Variants in HSDL1 observed in about 807,000 individuals in gnomAD.
HSDL1 encodes the protein hydroxysteroid dehydrogenase like 1.
HSDL1 carries 29 observed loss-of-function variants against 31.5 expected under a neutral mutation model. The ratio of observed to expected loss-of-function variants is 0.92; its 90% CI spans 0.69 to 1.26. HSDL1 has a LOEUF of 1.26. HSDL1 is among the 50% of genes most tolerant of loss of function. The probability of loss-of-function intolerance (pLI) is 0.00; values close to 1 mark genes in which losing one functional copy is unlikely to be tolerated. For missense variants in HSDL1, 503 were observed against 416.6 expected, an observed-to-expected ratio of 1.21 and a Z score of -1.81; for synonymous variants, 222 against 155.2, an observed-to-expected ratio of 1.43 and a Z score of -3.20.
At chr16:84,131,426 G>C in intron 2 of HSDL1, 99 bp from the exon 3 acceptor site, 1 of 809,082 alleles carries the variant, frequency 1.2e-6, no homozygotes, top group Non-Finnish European at 2.1e-6. Context: ...ATCAGATCTT[G>C]TCAATTGTAC....
At chr16:84,143,978 A>G (rs1023725223) in intron 1 of HSDL1, among the ~76,000 whole-genome samples, 1 of 151,856 alleles carries the variant, frequency 6.6e-6, no homozygotes, top group African/African-American at 2.4e-5. Flanking sequence ...CGCAGGCACC[A>G]TTGCACTACA....
chr16:84,131,044 C>G, intron 3 of HSDL1, 58 bp downstream of exon 3: 1 of 1,337,084 alleles, frequency 7.5e-7, no homozygotes, highest in East Asian at 2.3e-5. Context: ...TTCAATAGCT[C>G]CTTGAATAAT....
Position 84,145,154 on chromosome 16 carries a change from G to T in HSDL1, c.-143C>A. On this transcript the variant is annotated 5_prime_UTR_variant, in exon 1 of 6. Transcript: ENST00000219439. Reference sequence around the variant, plus strand: ...CGCCGCCCCCGTCTCGGCCGCCGGAGCTGCTGCCGCGCCGCGCCCTCACGT... The same window carrying T: ...CGCCGCCCCCGTCTCGGCCGCCGGATCTGCTGCCGCGCCGCGCCCTCACGT... The T allele has an allele frequency of 4.5e-6, 1 of 224,242 alleles. No individual in the cohort carries two copies. The highest frequency in any genetic ancestry group is 8.5e-6 in the Non-Finnish European group (1 of 117,390). 13.9% of individuals were successfully genotyped at this position (224,242 alleles called of 1,614,324 possible). A position where few individuals can be genotyped will look rare whatever the true frequency, so the allele number is the denominator to read the frequency against.
In HSDL1 at chr16:84,124,594, A is replaced by C; in HGVS notation, c.*36T>G. The C allele has an allele frequency of 7.7e-7, 1 of 1,300,552 alleles. No homozygotes were observed. Among genetic ancestry groups the C allele is most frequent in the East Asian group, 2.3e-5 (1 of 43,378 alleles). 80.6% of individuals were successfully genotyped at this position (1,300,552 alleles called of 1,614,324 possible). A position where few individuals can be genotyped will look rare whatever the true frequency, so the allele number is the denominator to read the frequency against. ...CAAATGTCAGAATATCGAGGTTCCC[A>C]GGAGTTGGCAAAACTTCTCAAGTGG... On this transcript the variant is annotated 3_prime_UTR_variant, in exon 6 of 6. Coordinates refer to ENST00000219439, the MANE Select transcript of HSDL1 (RefSeq NM_031463.5).
rs187864013 is a variant in HSDL1 at position 84,128,265 on chromosome 16, G to A, written c.894+1283C>T. 3.4e-3 allele frequency among the ~76,000 whole-genome samples: 508 copies of A among 151,496 alleles called. 2 individuals carry two copies. Among genetic ancestry groups the A allele is most frequent in the African/African-American group, 0.011 (467 of 41,390 alleles). On this transcript the variant is annotated intron_variant, in intron 5 of 5. Coordinates refer to ENST00000219439, the MANE Select transcript of HSDL1 (RefSeq NM_031463.5). ...GATCGCACCATTACACTCCAGCCTG[G>A]GCAACAAGAGCGGAATTCCATCTCA...
At chr16:84,144,732 T>C (rs2086823312) in intron 1 of HSDL1, among the ~76,000 whole-genome samples, 1 of 145,016 alleles carries the variant, frequency 6.9e-6, no homozygotes, top group Non-Finnish European at 1.5e-5. Context: ...GGGTTCGCGG[T>C]TTGGGGGGCA....
chr16:84,140,361 T>C (rs1363252123), intron 1 of HSDL1, among the ~76,000 whole-genome samples: 2 of 152,022 alleles, frequency 1.3e-5, no homozygotes, highest in Non-Finnish European at 2.9e-5. Context: ...GCCTCCTGGG[T>C]TCAAGCGTTT....
intron 1 of HSDL1, among the ~76,000 whole-genome samples, chr16:84,140,996 C>T (rs1301040131): frequency 6.6e-6 from 1 of 150,800 alleles, no homozygotes; most frequent in Non-Finnish European, 1.5e-5. Flanking sequence ...GAGGCTGAGG[C>T]AGGAGAATGG....
At chr16:84,136,221 C>T (rs1010925986) in intron 1 of HSDL1, among the ~76,000 whole-genome samples, 10 of 152,228 alleles carry the variant, frequency 6.6e-5, no homozygotes, top group Non-Finnish European at 1.2e-4. Context: ...GGGAGGAAGG[C>T]GTCCTACAGT....
At chr16:84,126,808 G>A (rs1370807519) in intron 5 of HSDL1, among the ~76,000 whole-genome samples, 1 of 152,026 alleles carries the variant, frequency 6.6e-6, no homozygotes, top group African/African-American at 2.4e-5. Flanking sequence ...AATATGCCAT[G>A]GACAAAACAG....
intron 3 of HSDL1, 64 bp downstream of exon 3, chr16:84,131,038 A>G (rs1283943412): frequency 7.7e-7 from 1 of 1,299,248 alleles, no homozygotes. Context: ...ATTAAATTCA[A>G]TAGCTCCTTG....
At chr16:84,134,084 A>G (rs1033161769) in intron 2 of HSDL1, among the ~76,000 whole-genome samples, 7 of 151,550 alleles carry the variant, frequency 4.6e-5, no homozygotes, top group South Asian at 4.2e-4. Context: ...CCTTTGATTG[A>G]CAATCCTTTG....
intron 3 of HSDL1, 132 bp from the exon 4 acceptor site, chr16:84,130,563 C>T: frequency 1.4e-6 from 1 of 697,886 alleles, no homozygotes; most frequent in South Asian, 1.8e-5. Flanking sequence ...CTAGTATCTA[C>T]AAGTCAAGGA....
intron 2 of HSDL1, among the ~76,000 whole-genome samples, chr16:84,132,407 C>T (rs2086677666): frequency 6.6e-6 from 1 of 152,136 alleles, no homozygotes; most frequent in Non-Finnish European, 1.5e-5. Flanking sequence ...AGATACCCTC[C>T]AAGCTTGGAA....
At chr16:84,140,484 T>C (rs1356653684) in intron 1 of HSDL1, among the ~76,000 whole-genome samples, 1 of 152,058 alleles carries the variant, frequency 6.6e-6, no homozygotes, top group Non-Finnish European at 1.5e-5. Context: ...AGGCTGGTCT[T>C]GAACTCCTGA....
chr16:84,128,460 A>G (rs2086630210), intron 5 of HSDL1, among the ~76,000 whole-genome samples: 1 of 152,234 alleles, frequency 6.6e-6, no homozygotes, highest in Admixed American at 6.5e-5. Flanking sequence ...ATCCTTTGTC[A>G]TGCCTAAACA....
At chr16:84,144,662 C>T (rs969940139) in intron 1 of HSDL1, among the ~76,000 whole-genome samples, 1 of 151,940 alleles carries the variant, frequency 6.6e-6, no homozygotes, top group South Asian at 2.1e-4. Flanking sequence ...GCTGGGGCCG[C>T]TCGGGGGAGG....
intron 1 of HSDL1, among the ~76,000 whole-genome samples, chr16:84,144,862 G>A (rs905431458): frequency 6.6e-6 from 1 of 151,880 alleles, no homozygotes; most frequent in East Asian, 2.0e-4. Flanking sequence ...TTGGTCTGAA[G>A]GAAGGAGTCT....
intron 2 of HSDL1, among the ~76,000 whole-genome samples, chr16:84,135,026 G>A (rs2086699783): frequency 6.6e-6 from 1 of 152,294 alleles, no homozygotes; most frequent in East Asian, 1.9e-4. Flanking sequence ...GAGGTCAGGA[G>A]ATCAAAACCA....
Sources: allele counts gnomAD v4.1 joint callset (sites outside exome capture counted in the v4.1 genomes callset), GRCh38; gene constraint gnomAD v4.1.1; transcripts MANE v1.5; gene names NCBI Gene and HGNC (gene_info 2026-07-23, HGNC 2026-07-21).